Variants in BCCIP observed in about 807,000 individuals in gnomAD.
BCCIP encodes the protein BRCA2 and CDKN1A interacting protein.
Under a neutral mutation model 32.8 loss-of-function variants are expected in BCCIP, and 23 were observed. The observed-to-expected ratio is 0.70, with a 90% confidence interval of 0.51 to 0.99. The LOEUF (loss-of-function observed/expected upper bound fraction) is 0.99, where lower values mean the gene tolerates loss of function less well. Among genes scored for constraint, BCCIP ranks in the 50% least tolerant of loss-of-function variants. BCCIP has a pLI of 0.00. For synonymous variants in BCCIP, 144 were observed against 137.6 expected, an observed-to-expected ratio of 1.05 and a Z score of -0.33; for missense variants, 378 against 379.8, an observed-to-expected ratio of 1.00 and a Z score of 0.04.
chr10:125,838,281 T>C (rs1003925356), downstream of BCCIP: 2 of 1,613,990 alleles, frequency 1.2e-6, no homozygotes, highest in African/African-American at 2.7e-5. Context: ...GAGGACCCAC[T>C]CTGGCATCTT....
At chr10:125,839,307 G>GT, downstream of BCCIP, 2 of 984,280 alleles carry the variant, frequency 2.0e-6, no homozygotes, top group Non-Finnish European at 2.9e-6. Context: ...AGGAGGCCAC[G>GT]TAGGTGAGTG....
At chr10:125,828,858 T>C (rs1398348142) in intron 3 of BCCIP, among the ~76,000 whole-genome samples, 1 of 152,196 alleles carries the variant, frequency 6.6e-6, no homozygotes, top group African/African-American at 2.4e-5. Context: ...CCTTTCAAGA[T>C]GGCTCACTCA....
At chr10:125,845,127 A>G (rs1028283669), downstream of BCCIP, among the ~76,000 whole-genome samples, 4 of 152,218 alleles carry the variant, frequency 2.6e-5, no homozygotes, top group African/African-American at 9.6e-5. Context: ...GCACAGGCCA[A>G]GTGGAGTCCA....
intron 7 of BCCIP, chr10:125,852,634 G>A: frequency 6.2e-7 from 1 of 1,607,708 alleles, no homozygotes; most frequent in South Asian, 1.1e-5. Context: ...TTATTCTCGG[G>A]TTGTACACCT....
chr10:125,833,093 C>T (rs999171265), intron 5 of BCCIP, among the ~76,000 whole-genome samples: 4 of 148,412 alleles, frequency 2.7e-5, no homozygotes, highest in African/African-American at 5.0e-5. Context: ...TTGTACTCTA[C>T]AGCCTGGGCA....
downstream of BCCIP, among the ~76,000 whole-genome samples, chr10:125,843,203 G>A (rs1439515407): frequency 1.3e-5 from 2 of 152,056 alleles, no homozygotes; most frequent in Admixed American, 6.5e-5. Flanking sequence ...GTGCAAGGTG[G>A]GCAGGGGCTG....
chr10:125,834,630 C>T (rs1285906490), intron 6 of BCCIP, among the ~76,000 whole-genome samples: 1 of 151,462 alleles, frequency 6.6e-6, no homozygotes, highest in Admixed American at 6.6e-5. Context: ...GGGAGAAACC[C>T]CATCTCTACT....
At chr10:125,824,711 A>C (rs1290777220) in intron 1 of BCCIP, among the ~76,000 whole-genome samples, 1 of 112,640 alleles carries the variant, frequency 8.9e-6, no homozygotes, top group South Asian at 2.8e-4. Context: ...TTGTTCCCCT[A>C]CAATCAGTCT....
At chr10:125,852,499 A>G in intron 7 of BCCIP, 1 of 1,613,378 alleles carries the variant, frequency 6.2e-7, no homozygotes, top group South Asian at 1.1e-5. Flanking sequence ...GGTTGCCTGC[A>G]TACAAGAATT....
At chr10:125,853,395 AT>A in exon 8 of BCCIP, 1 of 437,924 alleles carries the variant, frequency 2.3e-6, no homozygotes, top group Non-Finnish European at 4.0e-6. Flanking sequence ...AGAGTTTGAG[AT>A]ACCTTGTTTT....
chr10:125,841,350 A>T, downstream of BCCIP: 2 of 1,614,116 alleles, frequency 1.2e-6, no homozygotes, highest in African/African-American at 1.3e-5. Flanking sequence ...TTCCCCCAGT[A>T]TTAGAATAAA....
downstream of BCCIP, among the ~76,000 whole-genome samples, chr10:125,843,596 A>C (rs1854939087): frequency 6.6e-6 from 1 of 151,896 alleles, no homozygotes; most frequent in East Asian, 1.9e-4. Flanking sequence ...TGGGCGACAG[A>C]GCGAGACTCC....
intron 7 of BCCIP, chr10:125,852,195 T>TCCAAACCA: frequency 7.0e-7 from 1 of 1,426,442 alleles, no homozygotes; most frequent in Non-Finnish European, 9.4e-7. Context: ...TCCATGCTTG[T>TCCAAACCA]GTGCATTGCT....
At chr10:125,853,267 TC>T in exon 8 of BCCIP, 7 of 1,504,790 alleles carry the variant, frequency 4.7e-6, no homozygotes, top group Non-Finnish European at 6.4e-6. Flanking sequence ...TTTAGGAGGC[TC>T]ATAGTCTCCT....
In BCCIP at chr10:125,830,634, A is replaced by C; in HGVS notation, c.394A>C (p.Asn132His). Residue 132 changes from asparagine (N) to histidine (H), a missense_variant, in exon 4 of 7, where the codon AAT becomes CAT. Physicochemically the swap from Asn to His is moderately conservative, Grantham distance 68. Transcript: ENST00000278100. ...GGTTTTTGGTTTCATAAGCCTTTTA[A>C]ATTTAACTGAAAGAAAGGTTGGTTT... ...DEVFGFISLLNLTERKGTQCV... is the reference protein window; with the variant it reads ...DEVFGFISLLHLTERKGTQCV... 1 of 1,604,452 alleles carries C rather than the reference A, an allele frequency of 6.2e-7. No homozygotes were observed. The highest frequency in any genetic ancestry group is 8.5e-7 in the Non-Finnish European group (1 of 1,173,258).
At position 125,836,200 on chromosome 10, in the gene BCCIP, C is replaced by G. The variant is rs550133728; in HGVS notation, c.871C>G (p.Arg291Gly). The stretch of plus-strand genomic sequence containing the variant: ...TGATGACGTACCAATGACGCCCTTG[C>G]GAACTGTGATGTTAATTCCAGGCGA... ...SFDDVPMTPLRTVMLIPGDKM... is the reference protein window; with the variant it reads ...SFDDVPMTPLGTVMLIPGDKM... Residue 291 changes from arginine to glycine, a missense_variant, in exon 7 of 7, where the codon CGA becomes GGA. Arg to Gly is a moderately radical substitution (Grantham distance 125, BLOSUM62 -2). Coordinates refer to ENST00000278100, the MANE Select transcript of BCCIP (RefSeq NM_078468.3). The G allele has an allele frequency of 1.2e-6, 2 of 1,614,118 alleles. No homozygotes were observed. Among genetic ancestry groups the G allele is most frequent in the Admixed American group, 1.7e-5 (1 of 60,026 alleles).
At chr10:125,845,969 C>T (rs369228873), downstream of BCCIP, among the ~76,000 whole-genome samples, 1 of 152,208 alleles carries the variant, frequency 6.6e-6, no homozygotes, top group Non-Finnish European at 1.5e-5. Flanking sequence ...CTCGACTCTC[C>T]CTGCATGTCA....
chr10:125,828,432 C>G (rs1433470588), intron 3 of BCCIP, among the ~76,000 whole-genome samples: 1 of 152,060 alleles, frequency 6.6e-6, no homozygotes, highest in Non-Finnish European at 1.5e-5. Flanking sequence ...GGACAGACAC[C>G]TTAGTAATAC....
At chr10:125,843,202 G>A (rs892057551), downstream of BCCIP, among the ~76,000 whole-genome samples, 12 of 152,060 alleles carry the variant, frequency 7.9e-5, no homozygotes, top group African/African-American at 2.9e-4. Flanking sequence ...AGTGCAAGGT[G>A]GGCAGGGGCT....
Sources: allele counts gnomAD v4.1 joint callset (sites outside exome capture counted in the v4.1 genomes callset), GRCh38; gene constraint gnomAD v4.1.1; transcripts MANE v1.5; gene names NCBI Gene and HGNC (gene_info 2026-07-23, HGNC 2026-07-21).